Variants in ZNF98 observed in about 807,000 individuals in gnomAD.
ZNF98 encodes the protein zinc finger protein 739.
In ZNF98, 8 loss-of-function variants were observed where a neutral mutation model predicts 12.8. That is an observed-to-expected ratio of 0.63 (90% CI 0.37 to 1.13). The LOEUF (loss-of-function observed/expected upper bound fraction) is 1.13, where lower values mean the gene tolerates loss of function less well. ZNF98 is among the 50% of genes most tolerant of loss of function. The pLI, the probability that ZNF98 is intolerant of heterozygous loss-of-function variation, is 0.01. For missense variants in ZNF98, 379 were observed against 666.1 expected, an observed-to-expected ratio of 0.57 and a Z score of 4.74; for synonymous variants, 112 against 223.5, an observed-to-expected ratio of 0.50 and a Z score of 4.45.
intron 1 of ZNF98, among the ~76,000 whole-genome samples, chr19:22,419,676 T>G (rs1969683012): frequency 6.6e-6 from 1 of 152,196 alleles, no homozygotes; most frequent in Non-Finnish European, 1.5e-5. Context: ...TCAATTCCTT[T>G]CAGACAATAC....
intron 1 of ZNF98, among the ~76,000 whole-genome samples, chr19:22,413,869 C>CAAAAA (rs57148885): frequency 1.4e-4 from 6 of 43,166 alleles, no homozygotes; most frequent in African/African-American, 4.0e-4. Flanking sequence ...AACTCCGTCT[C>CAAAAA]AAAAAAAAAA....
At chr19:22,414,564 A>G (rs1333825630) in intron 1 of ZNF98, among the ~76,000 whole-genome samples, 1 of 152,128 alleles carries the variant, frequency 6.6e-6, no homozygotes, top group Non-Finnish European at 1.5e-5. Context: ...ACAACAGAAT[A>G]GAGAGCCCAT....
At chr19:22,397,558 T>G (rs1244121249) in intron 3 of ZNF98, among the ~76,000 whole-genome samples, 1 of 151,172 alleles carries the variant, frequency 6.6e-6, no homozygotes, top group Non-Finnish European at 1.5e-5. Context: ...ATTTTATAAA[T>G]TACTTTCTAT....
At position 22,391,310 on chromosome 19, in the gene ZNF98, T is replaced by C. The variant is rs1969318868; in HGVS notation, c.*206A>G. 17 of 1,048,340 alleles carry C rather than the reference T, an allele frequency of 1.6e-5. No individual in the cohort carries two copies. The East Asian group carries it at 4.0e-4, about 25-fold the overall frequency. The allele number at this position is 1,048,340 out of a possible 1,614,324, so 64.9% of individuals were successfully genotyped here. A position where few individuals can be genotyped will look rare whatever the true frequency, so the allele number is the denominator to read the frequency against. On this transcript the variant is annotated 3_prime_UTR_variant, in exon 4 of 4. Transcript: ENST00000357774. The stretch of plus-strand genomic sequence containing the variant: ...ATTCTCTGATGCTGAATAAGATGTG[T>C]GCAGATATTAATCACTTTTTTACTT...
intron 1 of ZNF98, among the ~76,000 whole-genome samples, chr19:22,414,542 T>G (rs2145121321): frequency 6.6e-6 from 1 of 151,984 alleles, no homozygotes; most frequent in South Asian, 2.1e-4. Flanking sequence ...AAAAACAAAC[T>G]CACAGACCAA....
At chr19:22,399,450 A>G (rs1382001953) in intron 3 of ZNF98, among the ~76,000 whole-genome samples, 2 of 152,194 alleles carry the variant, frequency 1.3e-5, no homozygotes, top group African/African-American at 4.8e-5. Flanking sequence ...ATAGCCTTAC[A>G]TTGCTAAATA....
intron 3 of ZNF98, among the ~76,000 whole-genome samples, chr19:22,396,292 A>G (rs1194858278): frequency 1.3e-5 from 2 of 152,106 alleles, no homozygotes; most frequent in African/African-American, 4.8e-5. Flanking sequence ...TTTTTTATTC[A>G]ACTGAGATTT....
chr19:22,414,393 T>A (rs1305084847), intron 1 of ZNF98, among the ~76,000 whole-genome samples: 1 of 151,992 alleles, frequency 6.6e-6, no homozygotes, highest in African/African-American at 2.4e-5. Flanking sequence ...AAAAAACTTT[T>A]AAAACTTATA....
chr19:22,404,876 T>C (rs1969502358), intron 1 of ZNF98, among the ~76,000 whole-genome samples: 2 of 152,186 alleles, frequency 1.3e-5, no homozygotes, highest in Admixed American at 6.5e-5. Context: ...CTGTTCTGCA[T>C]AGAGTTAATG....
intron 1 of ZNF98, among the ~76,000 whole-genome samples, chr19:22,412,887 C>T (rs889084918): frequency 6.6e-6 from 1 of 151,548 alleles, no homozygotes; most frequent in Non-Finnish European, 1.5e-5. Flanking sequence ...CTCGTCTCTA[C>T]TAAAAATACA....
Position 22,403,492 on chromosome 19 carries a change from A to T in ZNF98, c.51T>A (p.Asp17Glu). 6.2e-7 allele frequency: 1 copy of T among 1,605,678 alleles called. No individual in the cohort carries two copies. The highest frequency in any genetic ancestry group is 8.5e-7 in the Non-Finnish European group (1 of 1,177,954). Residue 17 changes from aspartate to glutamate, a missense_variant, in exon 2 of 4, where the codon GAT becomes GAA. By Grantham distance (45) the Asp-to-Glu change is conservative. Around this residue, in one of 8 missense-constraint regions of ZNF98, gnomAD observed 223 missense variants for 261.6 expected, o/e 0.85. Coordinates refer to ENST00000357774, the MANE Select transcript of ZNF98 (RefSeq NM_001098626.2). ...SLEMGVLTFRDVALEFSLEEW... is the reference protein window; with the variant it reads ...SLEMGVLTFREVALEFSLEEW... ...CCTCCAGAGAGAATTCTAAGGCCAC[A>T]TCCCTAAATGTCAACACTCCCTGAA... is the stretch of plus-strand genomic sequence containing the variant.
intron 3 of ZNF98, among the ~76,000 whole-genome samples, chr19:22,395,873 G>A (rs1183758617): frequency 2.5e-5 from 3 of 118,064 alleles, no homozygotes; most frequent in Non-Finnish European, 3.5e-5. Flanking sequence ...TCCTGAGGGG[G>A]GGGAAAAAAA....
intron 1 of ZNF98, among the ~76,000 whole-genome samples, chr19:22,417,844 G>A (rs772493166): frequency 7.2e-5 from 11 of 152,090 alleles, no homozygotes; most frequent in Non-Finnish European, 1.6e-4. Context: ...GGAATCCTGT[G>A]GTTACAGCTG....
intron 1 of ZNF98, among the ~76,000 whole-genome samples, chr19:22,408,108 G>A (rs897267433): frequency 3.3e-5 from 5 of 152,074 alleles, no homozygotes; most frequent in African/African-American, 9.7e-5. Context: ...CAATCAAGTC[G>A]GCTTCATCCC....
chr19:22,400,979 A>C (rs572732121), intron 3 of ZNF98, among the ~76,000 whole-genome samples: 16 of 151,664 alleles, frequency 1.1e-4, no homozygotes, highest in South Asian at 1.0e-3. Context: ...CAAAACAAAA[A>C]AAAAACAAGA....
Position 22,415,677 on chromosome 19 carries a change from G to C in ZNF98, c.30+6518C>G, listed in dbSNP as rs10405764. On this transcript the variant is annotated intron_variant, in intron 1 of 3. Coordinates refer to ENST00000357774, the MANE Select transcript of ZNF98 (RefSeq NM_001098626.2). ...TGTGTGCCTGCAGTCTCAGCTATGT[G>C]GGGGGCTAAAGTAAAAGAAGATTGC... 3.3e-5 allele frequency among the ~76,000 whole-genome samples: 5 copies of C among 151,728 alleles called. 1 individual carries two copies. The highest frequency in any genetic ancestry group is 4.2e-4 in the South Asian group (2 of 4,804).
chr19:22,406,333 C>T (rs1969518190), intron 1 of ZNF98, among the ~76,000 whole-genome samples: 2 of 151,960 alleles, frequency 1.3e-5, no homozygotes, highest in South Asian at 2.1e-4. Context: ...GAGTGAACCA[C>T]GTAAATAGGG....
At chr19:22,403,590 A>T (rs758441690) in intron 1 of ZNF98, 78 bp from the exon 2 acceptor site, 3 of 1,433,190 alleles carry the variant, frequency 2.1e-6, no homozygotes, top group Non-Finnish European at 2.8e-6. Context: ...AAGGTAAAAC[A>T]AGAGTAAAGA....
At chr19:22,421,919 G>A (rs956513394) in intron 1 of ZNF98, among the ~76,000 whole-genome samples, 1 of 152,202 alleles carries the variant, frequency 6.6e-6, no homozygotes, top group Non-Finnish European at 1.5e-5. Flanking sequence ...CACAATCTGG[G>A]AGAGACGCGG....
Sources: allele counts gnomAD v4.1 joint callset (sites outside exome capture counted in the v4.1 genomes callset), GRCh38; gene constraint gnomAD v4.1.1; regional missense constraint gnomAD v4.1.1; transcripts MANE v1.5; gene names NCBI Gene and HGNC (gene_info 2026-07-23, HGNC 2026-07-21).